The following DLGAP2 variants were observed in gnomAD, a reference collection of about 807,000 sequenced individuals.
DLGAP2 encodes DLG associated protein 2, also known as disks large-associated protein 2.
In DLGAP2, 26 loss-of-function variants were observed where a neutral mutation model predicts 100.3. That is an observed-to-expected ratio of 0.26 (90% CI 0.19 to 0.36). The LOEUF (loss-of-function observed/expected upper bound fraction) is 0.36, where lower values mean the gene tolerates loss of function less well. Among genes scored for constraint, DLGAP2 ranks in the 10% least tolerant of loss-of-function variants. DLGAP2 has a pLI of 1.00. For missense variants in DLGAP2, 1,858 were observed against 1,453.2 expected (o/e 1.28, Z -4.53); for synonymous variants, 886 against 630.1 (o/e 1.41, Z -6.08).
At chr8:1,282,470 A>G in intron 3 of DLGAP2, among the ~76,000 whole-genome samples, 1 of 122,124 alleles carries the variant, frequency 8.2e-6, no homozygotes, top group African/African-American at 3.0e-5. Flanking sequence ...AACCATCTGG[A>G]CATGGTGTGA....
At chr8:1,348,169 G>A (rs201948281) in intron 3 of DLGAP2, among the ~76,000 whole-genome samples, 310 of 92,146 alleles carry the variant, frequency 3.4e-3, no homozygotes, top group East Asian at 8.1e-3. Flanking sequence ...TGCACTCATG[G>A]TAGCTGTGTA....
At chr8:1,109,049 TGCCTATGAAGTGTGCTGG>T (rs1804871278) in intron 2 of DLGAP2, among the ~76,000 whole-genome samples, 1 of 131,706 alleles carries the variant, frequency 7.6e-6, no homozygotes, top group African/African-American at 2.9e-5. Flanking sequence ...GGTGTGCATG[TGCCTATGAAGTGTGCTGG>T]GTCTGTGAGG....
At chr8:1,102,081 A>G (rs1804604224) in intron 2 of DLGAP2, among the ~76,000 whole-genome samples, 1 of 151,890 alleles carries the variant, frequency 6.6e-6, no homozygotes, top group Non-Finnish European at 1.5e-5. Flanking sequence ...TAAAGAGAAG[A>G]ACTCATATTA....
chr8:1,099,457 T>G (rs188571378), intron 2 of DLGAP2, among the ~76,000 whole-genome samples: 198 of 152,344 alleles, frequency 1.3e-3, no homozygotes, highest in African/African-American at 4.5e-3. Flanking sequence ...TGGGGCTACG[T>G]TGCTAAGTAA....
At chr8:1,249,898 TGAGA>T (rs1216606301) in intron 2 of DLGAP2, among the ~76,000 whole-genome samples, 2 of 152,164 alleles carry the variant, frequency 1.3e-5, no homozygotes, top group African/African-American at 2.4e-5. Context: ...TTCTTTTTTT[TGAGA>T]GAGAGTCTTG....
At chr8:1,301,470 T>C (rs927798516) in intron 3 of DLGAP2, 1 of 152,308 alleles carries the variant, frequency 6.6e-6, no homozygotes, top group East Asian at 1.9e-4. Context: ...TGAAGTTTTT[T>C]TTGAAGATGA....
chr8:1,477,375 C>T (rs1156232371), intron 3 of DLGAP2, among the ~76,000 whole-genome samples: 1 of 152,236 alleles, frequency 6.6e-6, no homozygotes, highest in Non-Finnish European at 1.5e-5. Context: ...CCCTCCGGCT[C>T]TGTCCTTTCC....
intron 3 of DLGAP2, among the ~76,000 whole-genome samples, chr8:1,346,893 AC>A (rs1801573062): frequency 6.6e-6 from 1 of 151,254 alleles, no homozygotes; most frequent in Non-Finnish European, 1.5e-5. Context: ...CGTTGCACTC[AC>A]GGTAGCTGTG....
chr8:1,031,169 G>A (rs1041491484), intron 2 of DLGAP2, among the ~76,000 whole-genome samples: 8 of 152,106 alleles, frequency 5.3e-5, no homozygotes, highest in African/African-American at 1.7e-4. Flanking sequence ...GATGCCGCCT[G>A]TGCCTCACCC....
At position 1,678,645 on chromosome 8, in the gene DLGAP2, TC is replaced by T. The variant is rs1314118146; in HGVS notation, c.2704+19del. 3.3e-6 allele frequency: 5 copies of T among 1,494,488 alleles called. No homozygotes were observed. Among genetic ancestry groups the T allele is most frequent in the African/African-American group, 1.4e-5 (1 of 71,270 alleles). The allele number at this position is 1,494,488 out of a possible 1,614,324, so 92.6% of individuals were successfully genotyped here. A position where few individuals can be genotyped will look rare whatever the true frequency, so the allele number is the denominator to read the frequency against. On this transcript the variant is annotated intron_variant, in intron 12 of 14. Coordinates refer to ENST00000637795, the MANE Select transcript of DLGAP2 (RefSeq NM_001346810.2). ...TCGGAGGAAAGTAAGAGCTCAGGCTTCCCTAGGGCCTCTTAAATATCATTTC... is the reference window on the plus strand; with the variant it reads ...TCGGAGGAAAGTAAGAGCTCAGGCTTCCTAGGGCCTCTTAAATATCATTTC...
chr8:1,330,721 C>T (rs569908440), intron 3 of DLGAP2, among the ~76,000 whole-genome samples: 5 of 132,490 alleles, frequency 3.8e-5, no homozygotes, highest in South Asian at 2.5e-4. Context: ...TGGGTGGGAG[C>T]GCCACTTCAC....
intron 1 of DLGAP2, among the ~76,000 whole-genome samples, chr8:797,983 G>T (rs1238821508): frequency 6.6e-6 from 1 of 152,000 alleles, no homozygotes; most frequent in Admixed American, 6.6e-5. Flanking sequence ...AACTCCTGAT[G>T]TCGTGATACG....
chr8:1,430,850 G>A (rs1160698451), intron 3 of DLGAP2, among the ~76,000 whole-genome samples: 1 of 152,142 alleles, frequency 6.6e-6, no homozygotes, highest in Non-Finnish European at 1.5e-5. Flanking sequence ...GGAATGGCAC[G>A]GCAGCGTCTT....
chr8:1,445,723 C>T (rs574890713), intron 3 of DLGAP2, among the ~76,000 whole-genome samples: 1 of 152,146 alleles, frequency 6.6e-6, no homozygotes. Flanking sequence ...AAAAGTGTTC[C>T]TATTTCTCCA....
intron 2 of DLGAP2, among the ~76,000 whole-genome samples, chr8:1,011,556 G>A (rs1410162680): frequency 6.7e-6 from 1 of 149,704 alleles, no homozygotes; most frequent in Non-Finnish European, 1.5e-5. Flanking sequence ...TACACAGTGA[G>A]CCCTGGAATG....
intron 3 of DLGAP2, among the ~76,000 whole-genome samples, chr8:1,459,087 G>A (rs6985311): frequency 0.11 from 5,323 of 50,300 alleles, 383 homozygotes; most frequent in East Asian, 0.38. Flanking sequence ...ACCAGCGTGC[G>A]TCCCAGACAG....
Position 772,745 on chromosome 8 carries a change from G to C in DLGAP2, c.18+34920G>C, listed in dbSNP as rs556357135. Among the ~76,000 whole-genome samples the C allele has an allele frequency of 2.0e-5, 3 of 152,322 alleles. No homozygotes were observed. In the South Asian group the frequency reaches 6.2e-4, roughly 32 times the overall value. The stretch of plus-strand genomic sequence containing the variant: ...GTTACAGGTGTTTGAGAGGGATGTG[G>C]GGTCATGGCGCCCTGGCTCCAGCAC... On this transcript the variant is annotated intron_variant, in intron 1 of 14. Coordinates refer to ENST00000637795, the MANE Select transcript of DLGAP2 (RefSeq NM_001346810.2).
At position 1,422,070 on chromosome 8, in the gene DLGAP2, C is replaced by T. The variant is rs142202091; in HGVS notation, c.107-79296C>T. Among the ~76,000 whole-genome samples, 605 of 152,180 alleles carry T rather than the reference C, an allele frequency of 4.0e-3. 5 individuals are homozygous for T. Among genetic ancestry groups the T allele is most frequent in the African/African-American group, 0.013 (553 of 41,512 alleles). Reference sequence around the variant, plus strand: ...TCTAACACACGCTAGGCACCGAGGGCGAGGCTGCGTTTGTTACTCCATGGA... The same window carrying T: ...TCTAACACACGCTAGGCACCGAGGGTGAGGCTGCGTTTGTTACTCCATGGA... On this transcript the variant is annotated intron_variant, in intron 3 of 14. Coordinates refer to ENST00000637795, the MANE Select transcript of DLGAP2 (RefSeq NM_001346810.2).
intron 2 of DLGAP2, among the ~76,000 whole-genome samples, chr8:1,177,339 A>G (rs1429058091): frequency 6.6e-6 from 1 of 152,148 alleles, no homozygotes; most frequent in African/African-American, 2.4e-5. Context: ...TTATATCATA[A>G]GCCTGGCTGT....
Sources: gnomAD v4.1 joint callset for allele counts (sites outside exome capture counted in the v4.1 genomes callset) on GRCh38, gnomAD v4.1.1 for gene constraint, MANE v1.5 for transcripts, NCBI Gene and HGNC (gene_info 2026-07-23, HGNC 2026-07-21) for gene names.